AP2B1: variants seen among roughly 807,000 people sequenced by gnomAD.
AP2B1 encodes the protein adaptor related protein complex 2 subunit beta 1, also known as AP-2 complex subunit beta.
Under a neutral mutation model 102.0 loss-of-function variants are expected in AP2B1, and 23 were observed. The ratio of observed to expected loss-of-function variants is 0.23; its 90% CI spans 0.16 to 0.32. AP2B1 has a LOEUF of 0.32. Ranked by LOEUF, AP2B1 falls within the 10% of genes least tolerant of loss-of-function variation. The probability of loss-of-function intolerance (pLI) is 1.00; values close to 1 mark genes in which losing one functional copy is unlikely to be tolerated. For missense variants in AP2B1, 541 were observed against 1,157.4 expected, an observed-to-expected ratio of 0.47 and a Z score of 7.73; for synonymous variants, 381 against 421.2, an observed-to-expected ratio of 0.90 and a Z score of 1.17.
chr17:35,633,345 G>A (rs192997091), intron 9 of AP2B1, among the ~76,000 whole-genome samples: 3 of 135,210 alleles, frequency 2.2e-5, no homozygotes, highest in African/African-American at 5.6e-5. Context: ...GTCACAGAGC[G>A]AGACTGTGTC....
intron 18 of AP2B1, among the ~76,000 whole-genome samples, chr17:35,690,781 C>A (rs775341531): frequency 5.3e-5 from 8 of 152,144 alleles, no homozygotes; most frequent in Non-Finnish European, 1.2e-4. Context: ...TGAATTTATA[C>A]CTTGAAAATT....
chr17:35,720,574 T>TATATATATATA (rs57480143), intron 21 of AP2B1, among the ~76,000 whole-genome samples: 3 of 24,738 alleles, frequency 1.2e-4, no homozygotes, highest in Admixed American at 5.7e-4. Context: ...TATATATATA[T>TATATATATATA]TTTTTTTTTT....
At chr17:35,662,499 G>C (rs2075378408) in intron 14 of AP2B1, among the ~76,000 whole-genome samples, 1 of 149,052 alleles carries the variant, frequency 6.7e-6, no homozygotes, top group African/African-American at 2.5e-5. Flanking sequence ...TCCTTTGGAA[G>C]CCATGTATGT....
intron 13 of AP2B1, among the ~76,000 whole-genome samples, chr17:35,655,405 C>T (rs1201955532): frequency 6.6e-6 from 1 of 152,184 alleles, no homozygotes; most frequent in East Asian, 1.9e-4. Context: ...TTGTCTGTTC[C>T]TGAGTGTGCT....
rs116786997 is a variant in AP2B1 at position 35,723,855 on chromosome 17, C to T, written c.*156C>T. ...ACCTGTGCTAACATTAGGGCACAAC[C>T]TGTTGGATAGTTTTAGCTTCCTGTG... On this transcript the variant is annotated 3_prime_UTR_variant, in exon 22 of 22. Transcript: ENST00000610402. The T allele has an allele frequency of 3.5e-3, 1,935 of 550,522 alleles. 17 individuals are homozygous for T. Among genetic ancestry groups the T allele is most frequent in the African/African-American group, 0.025 (1,352 of 54,122 alleles). The allele number at this position is 550,522 out of a possible 1,614,324, so 34.1% of individuals were successfully genotyped here.
In AP2B1 at chr17:35,657,683, T is replaced by A. The variant is rs1196007652; in HGVS notation, c.1881T>A (p.Leu627=). The A allele has an allele frequency of 4.3e-6, 7 of 1,614,088 alleles. No homozygotes were observed. The African/African-American group carries it at 9.3e-5, about 22-fold the overall frequency. ...AGGTTATCCCCTCTCAAGGTGATCTTCTAGGGGATCTTTTAAACCTTGACC... is the reference window on the plus strand; with the variant it reads ...AGGTTATCCCCTCTCAAGGTGATCTACTAGGGGATCTTTTAAACCTTGACC... ...QPQVIPSQGD[L]LGDLLNLDLG... is the part of the protein sequence containing the mutation. Residue 627 remains leucine, a synonymous_variant, in exon 14 of 22, where the codon CTT becomes CTA. Coordinates refer to ENST00000610402, the MANE Select transcript of AP2B1 (RefSeq NM_001030006.2).
intron 5 of AP2B1, among the ~76,000 whole-genome samples, chr17:35,612,393 T>C (rs1316942646): frequency 6.6e-6 from 1 of 152,232 alleles, no homozygotes; most frequent in Non-Finnish European, 1.5e-5. Context: ...ATTCTTGTTT[T>C]AGTGAAGAAC....
intron 9 of AP2B1, among the ~76,000 whole-genome samples, chr17:35,635,517 G>A (rs2074582517): frequency 6.6e-6 from 1 of 152,072 alleles, no homozygotes; most frequent in Non-Finnish European, 1.5e-5. Context: ...CGGAGTAGCT[G>A]GGATTACAGG....
intron 13 of AP2B1, among the ~76,000 whole-genome samples, chr17:35,657,004 A>G (rs1181747437): frequency 6.6e-6 from 1 of 151,870 alleles, no homozygotes; most frequent in African/African-American, 2.4e-5. Flanking sequence ...TTTTTTCACC[A>G]CCCCTAAAGT....
intron 6 of AP2B1, 104 bp from the exon 7 acceptor site, chr17:35,626,517 A>T: frequency 1.0e-6 from 1 of 968,636 alleles, no homozygotes; most frequent in South Asian, 1.7e-5. Context: ...CTAATTCTTT[A>T]ATTTTTTGAT....
chr17:35,638,743 C>G (rs917997450), intron 10 of AP2B1, among the ~76,000 whole-genome samples: 1 of 146,512 alleles, frequency 6.8e-6, no homozygotes, highest in Admixed American at 7.0e-5. Flanking sequence ...GAGCCGGGAT[C>G]GTGCCACTGC....
chr17:35,596,471 A>G (rs76443311), intron 2 of AP2B1, among the ~76,000 whole-genome samples: 8,536 of 151,650 alleles, frequency 0.056, 389 homozygotes, highest in East Asian at 0.14. Context: ...TCCTTTCCAC[A>G]TAATGGTTTC....
At chr17:35,717,809 G>C (rs1427499646) in intron 21 of AP2B1, among the ~76,000 whole-genome samples, 5 of 152,170 alleles carry the variant, frequency 3.3e-5, no homozygotes. Flanking sequence ...GACCTGAAAT[G>C]CTTGTTATTA....
chr17:35,683,886 C>T (rs994281517), intron 18 of AP2B1, among the ~76,000 whole-genome samples: 6 of 152,320 alleles, frequency 3.9e-5, no homozygotes, highest in African/African-American at 9.6e-5. Flanking sequence ...AAAATGTTTT[C>T]GCCATCTCCC....
At chr17:35,695,937 A>T (rs1183347478) in intron 18 of AP2B1, among the ~76,000 whole-genome samples, 2 of 152,184 alleles carry the variant, frequency 1.3e-5, no homozygotes, top group African/African-American at 4.8e-5. Flanking sequence ...AGTAGGGTTT[A>T]CTGTTAAACT....
intron 5 of AP2B1, among the ~76,000 whole-genome samples, chr17:35,618,980 G>A (rs1452627670): frequency 6.6e-6 from 1 of 152,126 alleles, no homozygotes; most frequent in Non-Finnish European, 1.5e-5. Flanking sequence ...ATAATGTTTG[G>A]ATTATATTAT....
chr17:35,600,117 TG>T (rs1823329021), intron 3 of AP2B1, among the ~76,000 whole-genome samples: 1 of 152,152 alleles, frequency 6.6e-6, no homozygotes, highest in South Asian at 2.1e-4. Context: ...AGTCTTACTC[TG>T]TCACCCATAC....
intron 13 of AP2B1, 21 bp downstream of exon 13, chr17:35,650,810 T>C: frequency 6.2e-7 from 1 of 1,609,112 alleles, no homozygotes; most frequent in African/African-American, 1.3e-5. Context: ...GTGAACTGTC[T>C]CTGAGTGAGA....
chr17:35,722,120 T>A (rs781894870), intron 21 of AP2B1, among the ~76,000 whole-genome samples: 1 of 152,176 alleles, frequency 6.6e-6, no homozygotes, highest in Admixed American at 6.6e-5. Context: ...GGCACGCATC[T>A]GTAATCCTAG....
Sources: allele counts gnomAD v4.1 joint callset (sites outside exome capture counted in the v4.1 genomes callset), GRCh38; gene constraint gnomAD v4.1.1; transcripts MANE v1.5; gene names NCBI Gene and HGNC (gene_info 2026-07-23, HGNC 2026-07-21).